TRPC7: variants seen among roughly 807,000 people sequenced by gnomAD.
TRPC7 encodes the protein transient receptor potential cation channel subfamily C member 7, also known as short transient receptor potential channel 7.
TRPC7 carries 42 observed loss-of-function variants against 90.1 expected under a neutral mutation model. The ratio of observed to expected loss-of-function variants is 0.47; its 90% confidence interval spans 0.36 to 0.60. TRPC7 has a LOEUF of 0.60. Among genes scored for constraint, TRPC7 ranks in the 20% least tolerant of loss-of-function variants. The pLI is 0.00. For synonymous variants in TRPC7, 451 were observed against 436.3 expected (o/e 1.03, Z -0.42); for missense variants, 955 against 1,112.3 (o/e 0.86, Z 2.01).
At chr5:136,331,174 G>T (rs10479120) in intron 2 of TRPC7, among the ~76,000 whole-genome samples, 3,710 of 152,262 alleles carry the variant, frequency 0.024, 164 homozygotes, top group African/African-American at 0.085. Context: ...TCTTTGCCCT[G>T]TTGGAGCTGA....
At chr5:136,254,018 G>A (rs1490273437) in intron 5 of TRPC7, among the ~76,000 whole-genome samples, 1 of 152,178 alleles carries the variant, frequency 6.6e-6, no homozygotes, top group East Asian at 1.9e-4. Context: ...CCAAACCAGA[G>A]GAAGACCCTC....
chr5:136,223,404 G>A (rs1255136354), intron 10 of TRPC7, among the ~76,000 whole-genome samples: 11 of 151,992 alleles, frequency 7.2e-5, no homozygotes, highest in Admixed American at 3.9e-4. Flanking sequence ...ACCTGAGGTC[G>A]GGAGTTTGAG....
chr5:136,364,765 A>G (rs2149867007), intron 1 of TRPC7, among the ~76,000 whole-genome samples: 1 of 152,338 alleles, frequency 6.6e-6, no homozygotes, highest in Non-Finnish European at 1.5e-5. Flanking sequence ...GGAGATACAT[A>G]GCTCAGACCA....
At chr5:136,273,025 C>A (rs1316038770) in intron 4 of TRPC7, among the ~76,000 whole-genome samples, 2 of 152,210 alleles carry the variant, frequency 1.3e-5, no homozygotes, top group Non-Finnish European at 2.9e-5. Flanking sequence ...CAGAGGCAAG[C>A]CAGTTTGCTC....
intron 2 of TRPC7, among the ~76,000 whole-genome samples, chr5:136,332,993 T>G (rs960519617): frequency 1.3e-5 from 2 of 152,194 alleles, no homozygotes; most frequent in Non-Finnish European, 2.9e-5. Context: ...TGTGCCTAGG[T>G]GGCCACTACT....
In TRPC7 at chr5:136,357,244, C is replaced by T. The variant is rs1328606658; in HGVS notation, c.144G>A (p.Leu48=). The change falls in exon 2 of 12, where the codon CTG becomes CTA. Residue 48 remains leucine (L), a synonymous_variant. Transcript: ENST00000513104. ...GGATGTTGCCATACTCAGCCGAGTC[C>T]AGGAAGCGCTCCTCCTCGGGCGTCA... The part of the protein sequence containing the change: ...TSLTPEEERF[L]DSAEYGNIPV... 1 of 1,613,868 alleles carries T rather than the reference C, an allele frequency of 6.2e-7. No homozygotes were observed. The highest frequency in any genetic ancestry group is 1.7e-5 in the Admixed American group (1 of 60,032).
rs558409651 is a variant in TRPC7, at chr5:136,292,448, A to C, written c.964-17611T>G. 5.3e-5 allele frequency among the ~76,000 whole-genome samples: 8 copies of C among 152,358 alleles called. No individual in the cohort carries two copies. In the South Asian group the frequency reaches 8.3e-4, roughly 16 times the overall value. ...AAGAATTAAATAGACGCAATAAAAA[A>C]TGATAAAGGAGATATCACCACTGAT... is the stretch of plus-strand genomic sequence containing the variant. On this transcript the variant is annotated intron_variant, in intron 3 of 11. Transcript: ENST00000513104.
intron 6 of TRPC7, among the ~76,000 whole-genome samples, chr5:136,251,290 A>G (rs1047041874): frequency 6.6e-6 from 1 of 152,156 alleles, no homozygotes; most frequent in Non-Finnish European, 1.5e-5. Flanking sequence ...CCGCATATAC[A>G]TATCCCTTTA....
At chr5:136,272,531 G>T (rs1014338508) in intron 4 of TRPC7, among the ~76,000 whole-genome samples, 1 of 152,166 alleles carries the variant, frequency 6.6e-6, no homozygotes, top group African/African-American at 2.4e-5. Context: ...AATGAGCAGT[G>T]CCACCAAGAG....
chr5:136,342,965 A>G (rs992230710), intron 2 of TRPC7, among the ~76,000 whole-genome samples: 7 of 152,186 alleles, frequency 4.6e-5, no homozygotes, highest in African/African-American at 1.7e-4. Context: ...GTATTTGGGA[A>G]TTGGTATGTG....
chr5:136,245,809 T>C (rs1295756397), intron 7 of TRPC7, among the ~76,000 whole-genome samples: 1 of 152,228 alleles, frequency 6.6e-6, no homozygotes, highest in Non-Finnish European at 1.5e-5. Context: ...TCCTCATTTA[T>C]CCATAAAGGT....
chr5:136,329,875 G>A (rs1056411825), intron 2 of TRPC7, among the ~76,000 whole-genome samples: 2 of 152,028 alleles, frequency 1.3e-5, no homozygotes, highest in African/African-American at 4.8e-5. Context: ...GTTCAACTGC[G>A]GTAAAACTGG....
At chr5:136,256,372 T>A (rs1193354034) in intron 5 of TRPC7, among the ~76,000 whole-genome samples, 1 of 152,200 alleles carries the variant, frequency 6.6e-6, no homozygotes, top group Admixed American at 6.5e-5. Flanking sequence ...TCCTTGCATA[T>A]GTCTCACAGA....
At chr5:136,298,507 C>G (rs1758261659) in intron 3 of TRPC7, among the ~76,000 whole-genome samples, 1 of 152,184 alleles carries the variant, frequency 6.6e-6, no homozygotes, top group African/African-American at 2.4e-5. Context: ...GTGCACCCAC[C>G]TCCAGCTACT....
At chr5:136,216,536 A>T (rs906596985) in intron 10 of TRPC7, among the ~76,000 whole-genome samples, 1 of 152,180 alleles carries the variant, frequency 6.6e-6, no homozygotes, top group Non-Finnish European at 1.5e-5. Context: ...AAGCTGAGCC[A>T]AGCAGAGAGA....
Position 136,225,399 on chromosome 5 carries a change from A to G in TRPC7, c.2263-45T>C, listed in dbSNP as rs547889865. On this transcript the variant is annotated intron_variant, in intron 9 of 11. Transcript: ENST00000513104. ...CCACACACATCACACAGAAAAACAT[A>G]CATGCATCCCTACATATCTCGTAGG... is the stretch of plus-strand genomic sequence containing the variant. 7.1e-5 allele frequency: 111 copies of G among 1,566,560 alleles called. 2 individuals are homozygous for G. In the South Asian group the frequency reaches 1.2e-3, roughly 17 times the overall value.
intron 3 of TRPC7, among the ~76,000 whole-genome samples, chr5:136,285,140 G>A (rs372953582): frequency 2.6e-5 from 4 of 152,190 alleles, no homozygotes; most frequent in East Asian, 3.8e-4. Context: ...GACCATTGAG[G>A]AGTAATGGGT....
At chr5:136,271,325 C>T (rs1278761236) in intron 4 of TRPC7, among the ~76,000 whole-genome samples, 2 of 152,214 alleles carry the variant, frequency 1.3e-5, no homozygotes, top group African/African-American at 4.8e-5. Context: ...TAGACAAGGT[C>T]AGCTTCTCCT....
chr5:136,246,844 C>A (rs1756355873), intron 7 of TRPC7, among the ~76,000 whole-genome samples: 1 of 152,130 alleles, frequency 6.6e-6, no homozygotes, highest in Non-Finnish European at 1.5e-5. Context: ...TCACTGAATC[C>A]TTGCACAATC....
Sources: allele counts gnomAD v4.1 joint callset (sites outside exome capture counted in the v4.1 genomes callset), GRCh38; gene constraint gnomAD v4.1.1; transcripts MANE v1.5; gene names NCBI Gene and HGNC (gene_info 2026-07-23, HGNC 2026-07-21).